MAP4K3: variants seen among roughly 807,000 people sequenced by gnomAD.
MAP4K3 encodes mitogen-activated protein kinase kinase kinase kinase 3.
Under a neutral mutation model 143.5 loss-of-function variants are expected in MAP4K3, and 94 were observed. The observed-to-expected ratio is 0.65, with a 90% confidence interval of 0.55 to 0.78. The LOEUF is 0.78. Among genes scored for constraint, MAP4K3 ranks in the 30% least tolerant of loss-of-function variants. MAP4K3 has a pLI of 0.00. For missense variants in MAP4K3, 1,077 were observed against 1,068.1 expected (o/e 1.01, Z -0.12); for synonymous variants, 416 against 347.2 (o/e 1.20, Z -2.20).
chr2:39,424,578 C>T (rs535548503), intron 1 of MAP4K3, among the ~76,000 whole-genome samples: 10 of 151,824 alleles, frequency 6.6e-5, no homozygotes, highest in Non-Finnish European at 1.2e-4. Flanking sequence ...GCCTGTAATC[C>T]CAGCACTTTA....
At chr2:39,427,285 G>A (rs960932231) in intron 1 of MAP4K3, among the ~76,000 whole-genome samples, 5 of 151,998 alleles carry the variant, frequency 3.3e-5, no homozygotes, top group South Asian at 4.2e-4. Flanking sequence ...GGAAGACTGA[G>A]TTTACCTTAT....
intron 3 of MAP4K3, among the ~76,000 whole-genome samples, chr2:39,350,606 C>T (rs940501650): frequency 6.6e-6 from 1 of 152,138 alleles, no homozygotes. Context: ...CTGTCTCTGG[C>T]TCTAGAAAAA....
At chr2:39,414,404 C>G (rs139853713) in intron 1 of MAP4K3, among the ~76,000 whole-genome samples, 2 of 152,134 alleles carry the variant, frequency 1.3e-5, no homozygotes, top group Non-Finnish European at 2.9e-5. Context: ...AGTAGCAATT[C>G]CAAAACAGCT....
chr2:39,298,704 C>T (rs1682385787), intron 16 of MAP4K3, among the ~76,000 whole-genome samples: 1 of 152,066 alleles, frequency 6.6e-6, no homozygotes, highest in South Asian at 2.1e-4. Flanking sequence ...TGGCTCACAC[C>T]TGTAATCTTA....
chr2:39,252,377 T>C (rs1165693159), intron 32 of MAP4K3, among the ~76,000 whole-genome samples: 1 of 152,236 alleles, frequency 6.6e-6, no homozygotes, highest in Non-Finnish European at 1.5e-5. Flanking sequence ...TGGTTTTGCC[T>C]TATGCAAGAT....
chr2:39,381,458 T>C (rs892818906), intron 1 of MAP4K3, among the ~76,000 whole-genome samples: 4 of 152,240 alleles, frequency 2.6e-5, no homozygotes, highest in African/African-American at 7.2e-5. Context: ...TGGGTATCCT[T>C]TGAAACACAA....
chr2:39,422,809 G>A lies in MAP4K3; in HGVS notation c.96+14083C>T, dbSNP rs1179012777. 1.3e-5 allele frequency among the ~76,000 whole-genome samples: 2 copies of A among 152,090 alleles called. 1 individual carries two copies. Among genetic ancestry groups the A allele is most frequent in the South Asian group, 4.1e-4 (2 of 4,826 alleles). ...TGGATCACAGACATAAATGTAAAAT[G>A]CAAAACATAAAACTTCTAGAAGATA... On this transcript the variant is annotated intron_variant, in intron 1 of 33. Transcript: ENST00000263881.
intron 12 of MAP4K3, chr2:39,323,671 T>C (rs751978507): frequency 6.6e-6 from 1 of 151,942 alleles, no homozygotes; most frequent in African/African-American, 2.4e-5. Flanking sequence ...TAGAAAGCAA[T>C]ATGACAATTT....
At chr2:39,263,432 C>T (rs1680645522) in intron 28 of MAP4K3, among the ~76,000 whole-genome samples, 1 of 100,362 alleles carries the variant, frequency 1.0e-5, no homozygotes, top group Admixed American at 1.1e-4. Flanking sequence ...ACCATCACGC[C>T]CGGCTATTTT....
intron 2 of MAP4K3, among the ~76,000 whole-genome samples, chr2:39,373,552 G>A (rs927104527): frequency 6.6e-6 from 1 of 152,164 alleles, no homozygotes; most frequent in Admixed American, 6.5e-5. Flanking sequence ...TCCATCAACA[G>A]ATGAATGAAG....
intron 1 of MAP4K3, among the ~76,000 whole-genome samples, chr2:39,407,437 G>A (rs556556571): frequency 2.6e-5 from 4 of 152,118 alleles, no homozygotes; most frequent in East Asian, 3.9e-4. Flanking sequence ...GCTTAAAAAC[G>A]TCAAGAAAAC....
intron 2 of MAP4K3, 23 bp from the exon 3 acceptor site, chr2:39,356,362 T>C (rs745409585): frequency 1.5e-6 from 2 of 1,365,930 alleles, no homozygotes; most frequent in Admixed American, 3.8e-5. Flanking sequence ...ACAAGCATGT[T>C]GAATATTTAG....
intron 1 of MAP4K3, among the ~76,000 whole-genome samples, chr2:39,414,050 C>T (rs1272075933): frequency 6.6e-6 from 1 of 152,172 alleles, no homozygotes; most frequent in Non-Finnish European, 1.5e-5. Context: ...ACATGATTCT[C>T]ATGGTCAGCT....
chr2:39,391,514 T>G (rs1158312625), intron 1 of MAP4K3, among the ~76,000 whole-genome samples: 1 of 152,052 alleles, frequency 6.6e-6, no homozygotes, highest in East Asian at 1.9e-4. Context: ...CTCCCACCAT[T>G]ATTTGACTAA....
intron 1 of MAP4K3, among the ~76,000 whole-genome samples, chr2:39,388,224 A>G (rs933748258): frequency 6.6e-6 from 1 of 152,256 alleles, no homozygotes; most frequent in Non-Finnish European, 1.5e-5. Flanking sequence ...CAGCATTTCT[A>G]GCCCAAAGGT....
intron 3 of MAP4K3, among the ~76,000 whole-genome samples, chr2:39,345,176 C>T (rs1033753298): frequency 6.6e-6 from 1 of 151,978 alleles, no homozygotes; most frequent in Admixed American, 6.6e-5. Flanking sequence ...AGTTTGAGAC[C>T]AGCCTGGGCA....
At chr2:39,402,001 A>C (rs1158621842) in intron 1 of MAP4K3, among the ~76,000 whole-genome samples, 1 of 152,210 alleles carries the variant, frequency 6.6e-6, no homozygotes, top group Non-Finnish European at 1.5e-5. Flanking sequence ...AAAATCAATA[A>C]AACAGATTCA....
intron 15 of MAP4K3, among the ~76,000 whole-genome samples, chr2:39,306,416 T>C (rs180996290): frequency 9.2e-5 from 14 of 152,340 alleles, no homozygotes; most frequent in African/African-American, 3.4e-4. Context: ...ACACATTCCC[T>C]CTTTATTTTG....
At chr2:39,335,977 A>C (rs916278554) in intron 6 of MAP4K3, among the ~76,000 whole-genome samples, 1 of 152,190 alleles carries the variant, frequency 6.6e-6, no homozygotes, top group Admixed American at 6.5e-5. Flanking sequence ...GTTAGAAAAC[A>C]AAAGGGGAAG....
Sources: allele counts gnomAD v4.1 joint callset (sites outside exome capture counted in the v4.1 genomes callset), GRCh38; gene constraint gnomAD v4.1.1; transcripts MANE v1.5; gene names NCBI Gene and HGNC (gene_info 2026-07-23, HGNC 2026-07-21).